The following C1orf141 variants were observed in gnomAD, a reference collection of about 807,000 sequenced individuals.
C1orf141 encodes chromosome 1 open reading frame 141, also known as uncharacterized protein C1orf141.
In C1orf141, 19 loss-of-function variants were observed where a neutral mutation model predicts 23.2. That is an observed-to-expected ratio of 0.82 (90% confidence interval 0.57 to 1.20). C1orf141 has a LOEUF of 1.20. Among genes scored for constraint, C1orf141 ranks in the 50% most tolerant of loss-of-function variants. The pLI, the probability that C1orf141 is intolerant of heterozygous loss-of-function variation, is 0.00. For synonymous variants in C1orf141, 153 were observed against 154.6 expected (o/e 0.99, Z 0.08); for missense variants, 469 against 455.1 (o/e 1.03, Z -0.28).
At chr1:67,119,853 C>T (rs1399266052) in intron 4 of C1orf141, among the ~76,000 whole-genome samples, 1 of 152,220 alleles carries the variant, frequency 6.6e-6, no homozygotes, top group East Asian at 1.9e-4. Context: ...GAAGAAGGAC[C>T]TCAAAAGCAA....
At chr1:67,104,007 C>G (rs571690787) in intron 5 of C1orf141, among the ~76,000 whole-genome samples, 161 of 152,140 alleles carry the variant, frequency 1.1e-3, no homozygotes, top group Non-Finnish European at 1.8e-3. Context: ...GTTTTTCACA[C>G]TAGGCACAGA....
At chr1:67,095,612 A>C (rs903227486) in intron 6 of C1orf141, 191 bp from the exon 7 acceptor site, 9 of 482,282 alleles carry the variant, frequency 1.9e-5, no homozygotes, top group Non-Finnish European at 2.5e-5. Flanking sequence ...GTAGGAGTGG[A>C]AGCAAGAGAG....
intron 4 of C1orf141, chr1:67,123,272 A>G (rs1316418265): frequency 1.3e-5 from 2 of 151,906 alleles, no homozygotes; most frequent in African/African-American, 2.4e-5. Flanking sequence ...AGTTTGGTGA[A>G]CATACTGGGA....
chr1:67,110,549 G>T (rs1646045324), intron 5 of C1orf141, among the ~76,000 whole-genome samples: 1 of 152,108 alleles, frequency 6.6e-6, no homozygotes, highest in Non-Finnish European at 1.5e-5. Context: ...CTGAAAAGAG[G>T]AAATTAGAAG....
chr1:67,129,244 C>T (rs1018870596), intron 2 of C1orf141, among the ~76,000 whole-genome samples: 5 of 151,794 alleles, frequency 3.3e-5, no homozygotes, highest in African/African-American at 1.2e-4. Context: ...TTGCTTGACC[C>T]TAGGAGTTTG....
chr1:67,119,972 G>A (rs942907520), intron 4 of C1orf141, among the ~76,000 whole-genome samples: 5 of 152,170 alleles, frequency 3.3e-5, no homozygotes, highest in African/African-American at 1.2e-4. Flanking sequence ...CTGCCCAGTG[G>A]AGCCATGGGT....
intron 2 of C1orf141, among the ~76,000 whole-genome samples, chr1:67,128,103 G>GCAAC (rs1181917678): frequency 6.6e-6 from 1 of 152,120 alleles, no homozygotes; most frequent in Non-Finnish European, 1.5e-5. Flanking sequence ...ATAAGTAGCA[G>GCAAC]CAACTAAGCT....
chr1:67,130,356 G>C (rs1159226989), intron 2 of C1orf141, among the ~76,000 whole-genome samples: 3 of 152,146 alleles, frequency 2.0e-5, no homozygotes, highest in African/African-American at 7.2e-5. Context: ...TTCCCAGTTT[G>C]GGGAACGTAT....
chr1:67,116,738 G>A (rs1646200391), intron 4 of C1orf141, among the ~76,000 whole-genome samples: 1 of 151,968 alleles, frequency 6.6e-6, no homozygotes, highest in South Asian at 2.1e-4. Context: ...TTGGTTCAGG[G>A]AAAGGAATTT....
chr1:67,095,036 T>C (rs1645642302), intron 7 of C1orf141, 199 bp downstream of exon 7: 1 of 459,970 alleles, frequency 2.2e-6, no homozygotes. Flanking sequence ...ACACTGAATT[T>C]TCAGCTGGTA....
chr1:67,131,424 A>C (rs1646514028), intron 1 of C1orf141, among the ~76,000 whole-genome samples, 197 bp from the exon 2 acceptor site: 1 of 152,014 alleles, frequency 6.6e-6, no homozygotes, highest in Admixed American at 6.6e-5. Context: ...CAAAAACCAA[A>C]AACAAACAAA....
At position 67,125,786 on chromosome 1, in the gene C1orf141, CT is replaced by C. The variant is rs1558204189; in HGVS notation, c.198del (p.Glu67LysfsTer32). On this transcript the variant is annotated frameshift_variant, in exon 4 of 8. Transcript: ENST00000684719. LOFTEE classifies it high-confidence loss of function. ...TTTGTAATGCTGCATGACTTGTCTT[CT>C]TTGATCTTTGATATTGCCTTAGACG... ...TSASKAISKI[K>X]EDKSCSITKS... The C allele has an allele frequency of 3.1e-6, 5 of 1,613,998 alleles. No homozygotes were observed. In the Middle Eastern group the frequency reaches 8.2e-4, roughly 266 times the overall value.
chr1:67,125,375 T>G (rs567703505), intron 4 of C1orf141, among the ~76,000 whole-genome samples: 4 of 152,164 alleles, frequency 2.6e-5, no homozygotes, highest in Non-Finnish European at 4.4e-5. Flanking sequence ...CATTGCATAA[T>G]CTAAGACAGA....
intron 1 of C1orf141, among the ~76,000 whole-genome samples, chr1:67,132,500 G>T (rs1646532872): frequency 6.6e-6 from 1 of 151,834 alleles, no homozygotes; most frequent in South Asian, 2.1e-4. Context: ...TCCAGCCTGG[G>T]TGACGAGCGA....
intron 2 of C1orf141, among the ~76,000 whole-genome samples, chr1:67,128,679 G>A (rs900614666): frequency 6.6e-6 from 1 of 151,928 alleles, no homozygotes; most frequent in African/African-American, 2.4e-5. Context: ...CTCCAGCCTG[G>A]GTGACAGAGT....
At chr1:67,106,646 C>T (rs780239668) in intron 5 of C1orf141, among the ~76,000 whole-genome samples, 59 of 151,870 alleles carry the variant, frequency 3.9e-4, no homozygotes, top group African/African-American at 1.4e-3. Flanking sequence ...TGACAGAGCA[C>T]GACTTCATCT....
intron 5 of C1orf141, among the ~76,000 whole-genome samples, chr1:67,097,326 A>C (rs1645704470): frequency 6.6e-6 from 1 of 152,264 alleles, no homozygotes; most frequent in Non-Finnish European, 1.5e-5. Flanking sequence ...CCATGGAAGA[A>C]TATAAACATA....
chr1:67,125,892 A>ACTCTGAAGCCTGTT lies in C1orf141; in HGVS notation c.79_92dup (p.Ser31ArgfsTer17). On this transcript the variant is annotated frameshift_variant, in exon 4 of 8. Transcript: ENST00000684719. LOFTEE classifies it high-confidence loss of function. ...TAGCCATAGTTGTTTTTCTTCCTTCACTCTGAAGCCTGTTTATCTGCAGCA... is the reference window on the plus strand; with the variant it reads ...TAGCCATAGTTGTTTTTCTTCCTTCACTCTGAAGCCTGTTCTCTGAAGCCTGTTTATCTGCAGCA... The ACTCTGAAGCCTGTT allele has an allele frequency of 1.3e-6, 2 of 1,594,038 alleles. No individual in the cohort carries two copies. The highest frequency in any genetic ancestry group is 1.7e-6 in the Non-Finnish European group (2 of 1,172,334).
At position 67,114,723 on chromosome 1, in the gene C1orf141, C is replaced by G. The variant is rs8179312; in HGVS notation, c.346+629G>C. On this transcript the variant is annotated intron_variant, in intron 5 of 7. Coordinates refer to ENST00000684719, the MANE Select transcript of C1orf141 (RefSeq NM_001276351.2). Reference sequence around the variant, plus strand: ...TGGAGTCTCGCTCTTGTCACCCAGGCTGGAGTGCAGTGGCACGATCTCAGC... The same window carrying G: ...TGGAGTCTCGCTCTTGTCACCCAGGGTGGAGTGCAGTGGCACGATCTCAGC... 6.4e-4 allele frequency among the ~76,000 whole-genome samples: 97 copies of G among 152,324 alleles called. 1 individual carries two copies. Among genetic ancestry groups the G allele is most frequent in the African/African-American group, 2.2e-3 (92 of 41,568 alleles).
Sources: gnomAD v4.1 joint callset for allele counts (sites outside exome capture counted in the v4.1 genomes callset) on GRCh38, gnomAD v4.1.1 for gene constraint, MANE v1.5 for transcripts, NCBI Gene and HGNC (gene_info 2026-07-23, HGNC 2026-07-21) for gene names.